Variants in CAMTA1 observed in about 807,000 individuals in gnomAD.
The protein encoded by CAMTA1 is calmodulin-binding transcription activator 1.
Under a neutral mutation model 170.9 loss-of-function variants are expected in CAMTA1, and 27 were observed. The observed-to-expected ratio is 0.16, with a 90% CI of 0.12 to 0.22. The LOEUF is 0.22. Ranked by LOEUF, CAMTA1 falls within the 10% of genes least tolerant of loss-of-function variation. The pLI, the probability that CAMTA1 is intolerant of heterozygous loss-of-function variation, is 1.00. For missense variants in CAMTA1, 1,619 were observed against 2,217.2 expected (o/e 0.73, Z 5.42); for synonymous variants, 833 against 891.5 (o/e 0.93, Z 1.17).
At chr1:7,625,975 A>T (rs1023752256) in intron 6 of CAMTA1, among the ~76,000 whole-genome samples, 2 of 152,246 alleles carry the variant, frequency 1.3e-5, no homozygotes, top group Non-Finnish European at 2.9e-5. Flanking sequence ...AAAAGAAAAT[A>T]ACAAAAAGAA....
intron 3 of CAMTA1, among the ~76,000 whole-genome samples, chr1:7,077,224 GTT>G (rs113439901): frequency 2.6e-4 from 31 of 118,600 alleles, no homozygotes; most frequent in East Asian, 5.1e-4. Context: ...TTAAGGAAAG[GTT>G]TTTTTTTTTT....
At position 7,052,640 on chromosome 1, in the gene CAMTA1, C is replaced by T. The variant is rs151283011; in HGVS notation, c.235-38664C>T. On this transcript the variant is annotated intron_variant, in intron 3 of 22. Transcript: ENST00000303635. ...CGCTCACATGACCAGGTGCGTGGCT[C>T]GTCCAGCTCTACTCATACCTGGTTC... 2.1e-4 allele frequency among the ~76,000 whole-genome samples: 32 copies of T among 152,278 alleles called. No homozygotes were observed. The East Asian group carries it at 5.6e-3, about 27-fold the overall frequency.
intron 11 of CAMTA1, among the ~76,000 whole-genome samples, chr1:7,704,952 CGGCGGGGGCGCGCGCGG>C (rs1422129335): frequency 3.9e-5 from 2 of 50,828 alleles, no homozygotes; most frequent in Non-Finnish European, 7.4e-5. Flanking sequence ...GGGCGGCGGC[CGGCGGGGGCGCGCGCGG>C]GGCGGGGGCG....
At chr1:7,276,712 C>T (rs2149435964) in intron 5 of CAMTA1, among the ~76,000 whole-genome samples, 1 of 151,970 alleles carries the variant, frequency 6.6e-6, no homozygotes, top group Middle Eastern at 3.4e-3. Flanking sequence ...ACCGGAGGTC[C>T]TAGGAAGTTG....
chr1:7,390,766 G>T (rs2088606252), intron 5 of CAMTA1, among the ~76,000 whole-genome samples: 1 of 152,254 alleles, frequency 6.6e-6, no homozygotes, highest in Admixed American at 6.5e-5. Context: ...TTGCAGCCCT[G>T]GTGCCCTCAC....
intron 1 of CAMTA1, among the ~76,000 whole-genome samples, chr1:6,802,690 T>C (rs1280153102): frequency 6.6e-6 from 1 of 151,954 alleles, no homozygotes; most frequent in Non-Finnish European, 1.5e-5. Flanking sequence ...AGTAAGTTAG[T>C]GGTAGGTGTA....
Position 7,099,977 on chromosome 1 carries a change from G to C in CAMTA1, c.302+8606G>C, listed in dbSNP as rs538655192. ...CTCCCGCTGGGGCAGAGGCCAGGGG[G>C]TGGTTGCCTGTCTGCTCAGTGTAGA... On this transcript the variant is annotated intron_variant, in intron 4 of 22. Coordinates refer to ENST00000303635, the MANE Select transcript of CAMTA1 (RefSeq NM_015215.4). Among the ~76,000 whole-genome samples the C allele has an allele frequency of 1.6e-4, 24 of 152,336 alleles. No individual in the cohort carries two copies. The South Asian group carries it at 5.0e-3, about 32-fold the overall frequency.
At chr1:7,743,656 T>G (rs1293378824) in intron 16 of CAMTA1, among the ~76,000 whole-genome samples, 1 of 152,066 alleles carries the variant, frequency 6.6e-6, no homozygotes, top group Admixed American at 6.6e-5. Flanking sequence ...TTTGTCACTT[T>G]GTATAGTTCC....
intron 5 of CAMTA1, among the ~76,000 whole-genome samples, chr1:7,462,287 A>T (rs2093108846): frequency 6.6e-6 from 1 of 151,350 alleles, no homozygotes; most frequent in Non-Finnish European, 1.5e-5. Flanking sequence ...ATTTTTTGAG[A>T]TGGAGTCTCA....
At chr1:7,352,359 T>TAA (rs2084749200) in intron 5 of CAMTA1, among the ~76,000 whole-genome samples, 1 of 152,172 alleles carries the variant, frequency 6.6e-6, no homozygotes, top group Non-Finnish European at 1.5e-5. Context: ...AGGTGTGCCT[T>TAA]GGCACCCCCT....
chr1:6,989,004 A>G (rs539154830), intron 3 of CAMTA1, among the ~76,000 whole-genome samples: 1 of 152,346 alleles, frequency 6.6e-6, no homozygotes, highest in South Asian at 2.1e-4. Context: ...GGAGGCCTTC[A>G]GAAGAGTTCC....
intron 3 of CAMTA1, among the ~76,000 whole-genome samples, chr1:7,028,734 T>C (rs114095057): frequency 6.6e-6 from 1 of 152,214 alleles, no homozygotes; most frequent in African/African-American, 2.4e-5. Flanking sequence ...AGAGTATTTC[T>C]TTTTGCCTGT....
chr1:6,862,331 C>T lies in CAMTA1; in HGVS notation c.234+37121C>T, dbSNP rs1665027825. Among the ~76,000 whole-genome samples the T allele has an allele frequency of 1.3e-5, 2 of 152,184 alleles. 1 individual carries two copies. Among genetic ancestry groups the T allele is most frequent in the African/African-American group, 4.8e-5 (2 of 41,444 alleles). ...CATTTAGCCTTATATCATCAAGGTT[C>T]GTCCATGTTGGAGCATGTGTTAGCC... On this transcript the variant is annotated intron_variant, in intron 3 of 22. Transcript: ENST00000303635.
intron 3 of CAMTA1, among the ~76,000 whole-genome samples, chr1:6,859,961 T>C (rs553426860): frequency 6.6e-6 from 1 of 152,360 alleles, no homozygotes; most frequent in South Asian, 2.1e-4. Context: ...TTTACATTTC[T>C]TTGTATATTC....
At position 7,065,641 on chromosome 1, in the gene CAMTA1, G is replaced by T. The variant is rs1046578461; in HGVS notation, c.235-25663G>T. Among the ~76,000 whole-genome samples the T allele has an allele frequency of 2.1e-5, 2 of 93,708 alleles. No homozygotes were observed. Among genetic ancestry groups the T allele is most frequent in the African/African-American group, 1.2e-4 (2 of 16,448 alleles). The allele number at this position is 93,708 out of a possible 152,430, so 61.5% of individuals were successfully genotyped here. On this transcript the variant is annotated intron_variant, in intron 3 of 22. Transcript: ENST00000303635. This position sits in a 1 kb window ranked among gnomAD's most constrained non-coding sequence, Gnocchi z 5.2. ...CATGGCCATAGGAGGGAAGAGAGAG[G>T]AGACAGCTGCACCTTGTTGGAGTCC...
At chr1:6,898,427 C>T (rs932227847) in intron 3 of CAMTA1, among the ~76,000 whole-genome samples, 3 of 152,128 alleles carry the variant, frequency 2.0e-5, no homozygotes, top group African/African-American at 7.2e-5. Flanking sequence ...GTGGCGGGTG[C>T]CTGTAGTCCC....
chr1:7,135,185 G>A (rs1321868692), intron 4 of CAMTA1, among the ~76,000 whole-genome samples: 1 of 152,138 alleles, frequency 6.6e-6, no homozygotes, highest in Non-Finnish European at 1.5e-5. Context: ...TCAGGAGTTT[G>A]AGACCAGCCC....
At chr1:7,230,608 C>T (rs532784079) in intron 4 of CAMTA1, among the ~76,000 whole-genome samples, 11 of 152,250 alleles carry the variant, frequency 7.2e-5, no homozygotes, top group South Asian at 2.1e-4. Flanking sequence ...CTTAGGTGTG[C>T]GAGAAAATCA....
chr1:7,677,541 T>C (rs2096134695), intron 10 of CAMTA1, 58 bp from the exon 11 acceptor site: 1 of 1,577,348 alleles, frequency 6.3e-7, no homozygotes, highest in Admixed American at 1.7e-5. Flanking sequence ...CCTGTGTGGT[T>C]CACCAGGCTG....
Sources: gnomAD v4.1 joint callset for allele counts (sites outside exome capture counted in the v4.1 genomes callset) on GRCh38, gnomAD v4.1.1 for gene constraint, Gnocchi (gnomAD v3.1) non-coding constraint, MANE v1.5 for transcripts, NCBI Gene and HGNC (gene_info 2026-07-23, HGNC 2026-07-21) for gene names.